NAV3: variants seen among roughly 807,000 people sequenced by gnomAD.
NAV3 encodes pore membrane and/or filament interacting like protein 1.
Under a neutral mutation model 244.7 loss-of-function variants are expected in NAV3, and 87 were observed. That is an observed-to-expected ratio of 0.36 (90% CI 0.30 to 0.42). The LOEUF (loss-of-function observed/expected upper bound fraction) is 0.42. Among genes scored for constraint, NAV3 ranks in the 20% least tolerant of loss-of-function variants. The probability of loss-of-function intolerance (pLI) is 1.00; values close to 1 mark genes in which losing one functional copy is unlikely to be tolerated. For synonymous variants in NAV3, 1,126 were observed against 1,042.2 expected, an observed-to-expected ratio of 1.08 and a Z score of -1.55; for missense variants, 2,663 against 2,893.3, an observed-to-expected ratio of 0.92 and a Z score of 1.83.
chr12:78,033,258 T>C (rs993970148), intron 9 of NAV3, among the ~76,000 whole-genome samples: 1 of 151,922 alleles, frequency 6.6e-6, no homozygotes, highest in Admixed American at 6.6e-5. Context: ...TGAATGTTTA[T>C]AAAGATCAAG....
intron 1 of NAV3, among the ~76,000 whole-genome samples, chr12:77,925,195 A>G (rs1489729958): frequency 6.6e-6 from 1 of 152,184 alleles, no homozygotes; most frequent in Non-Finnish European, 1.5e-5. Flanking sequence ...TGTTGAATGA[A>G]TGTTTTAGAC....
At chr12:77,720,926 CAG>C (rs1284470138) in intron 2 of NAV3, among the ~76,000 whole-genome samples, 3 of 152,158 alleles carry the variant, frequency 2.0e-5, no homozygotes, top group Non-Finnish European at 4.4e-5. Context: ...TGTTAATTAA[CAG>C]AGATATTCTG....
Position 77,577,114 on chromosome 12 carries a change from C to A in NAV3, c.72+4848C>A, listed in dbSNP as rs115266707. 5.1e-3 allele frequency among the ~76,000 whole-genome samples: 773 copies of A among 152,184 alleles called. 8 individuals carry two copies. The highest frequency in any genetic ancestry group is 0.018 in the African/African-American group (731 of 41,550). The stretch of plus-strand genomic sequence containing the variant: ...TCTGGAATTAATGTGTAGACATAAA[C>A]ATGAACATCAAGTTCCCAAAGAAAC... On this transcript the variant is annotated intron_variant, in intron 2 of 8. Coordinates refer to the NAV3 transcript ENST00000550042.
At chr12:77,678,244 T>C (rs1040760673) in intron 2 of NAV3, among the ~76,000 whole-genome samples, 2 of 152,168 alleles carry the variant, frequency 1.3e-5, no homozygotes, top group African/African-American at 2.4e-5. Flanking sequence ...TAAAAATGTA[T>C]AACCAATCTT....
intron 2 of NAV3, among the ~76,000 whole-genome samples, chr12:77,638,078 T>C (rs963526198): frequency 2.0e-5 from 3 of 150,854 alleles, no homozygotes; most frequent in African/African-American, 7.3e-5. Flanking sequence ...TTCTTGTCTA[T>C]AGGGATTTCT....
chr12:77,807,312 A>G (rs1592700376), intron 2 of NAV3, among the ~76,000 whole-genome samples: 1 of 152,152 alleles, frequency 6.6e-6, no homozygotes, highest in South Asian at 2.1e-4. Context: ...AGTGGCTGGT[A>G]CTGGTTTTTC....
rs143716361 is a variant in NAV3 at position 78,093,217 on chromosome 12, G to A, written c.2637-23555G>A. ...TTACTGTAAGCAAGCAAATTCAGGTGTAGGTTTTACATAATGCACTTTTAT... is the reference window on the plus strand; with the variant it reads ...TTACTGTAAGCAAGCAAATTCAGGTATAGGTTTTACATAATGCACTTTTAT... On this transcript the variant is annotated intron_variant, in intron 12 of 39. Transcript: ENST00000397909. 9.8e-5 allele frequency among the ~76,000 whole-genome samples: 15 copies of A among 152,310 alleles called. No individual in the cohort carries two copies. The East Asian group carries it at 2.9e-3, about 29-fold the overall frequency.
At chr12:77,696,135 T>TA (rs1875285296) in intron 2 of NAV3, among the ~76,000 whole-genome samples, 2 of 152,272 alleles carry the variant, frequency 1.3e-5, no homozygotes. Context: ...AAGCAGTCTC[T>TA]AAAAGGATCC....
rs374699212 is a variant in NAV3 at position 77,825,824 on chromosome 12, G to A, written c.73-114495G>A. Among the ~76,000 whole-genome samples, 13 of 152,176 alleles carry A rather than the reference G, an allele frequency of 8.5e-5. 1 individual carries two copies. The highest frequency in any genetic ancestry group is 3.1e-4 in the African/African-American group (13 of 41,532). On this transcript the variant is annotated intron_variant, in intron 2 of 8. Coordinates refer to the NAV3 transcript ENST00000550042. ...CCTATACCGAAATATATAAATAATT[G>A]TTGATAAAACTCAGTAATAATGAGA...
At chr12:77,963,370 C>A (rs769183380) in intron 3 of NAV3, among the ~76,000 whole-genome samples, 2 of 152,004 alleles carry the variant, frequency 1.3e-5, no homozygotes, top group Non-Finnish European at 2.9e-5. Flanking sequence ...AGAAAGTGAC[C>A]ATATAAATGG....
Position 78,198,670 on chromosome 12 carries a change from A to G in NAV3, c.6512A>G (p.Asn2171Ser), listed in dbSNP as rs759743322. Residue 2171 changes from asparagine to serine, a missense_variant, in exon 36 of 40, where the codon AAT becomes AGT. Asn to Ser is a conservative substitution (Grantham distance 46). Around this residue, in one of 6 missense-constraint regions of NAV3, gnomAD observed 543 missense variants for 672.4 expected, o/e 0.81. Coordinates refer to ENST00000397909, the MANE Select transcript of NAV3 (RefSeq NM_001024383.2). ...SSSPNLELHH[N>S]FRWVLCANHT... The stretch of plus-strand genomic sequence containing the variant: ...TCACCAAATCTAGAGCTGCATCACA[A>G]TTTCAGGTAAAGTTAAGTTGAAGGT... 2.7e-6 allele frequency: 4 copies of G among 1,457,400 alleles called. No homozygotes were observed. Among genetic ancestry groups the G allele is most frequent in the Non-Finnish European group, 3.7e-6 (4 of 1,091,338 alleles). The allele number at this position is 1,457,400 out of a possible 1,614,324, so 90.3% of individuals were successfully genotyped here.
intron 2 of NAV3, among the ~76,000 whole-genome samples, chr12:77,741,135 G>GAA (rs71088333): frequency 3.6e-4 from 22 of 60,730 alleles, no homozygotes; most frequent in East Asian, 1.1e-3. Context: ...AATAGTCAAA[G>GAA]AAAAAAAAAA....
chr12:77,686,434 T>C (rs1165530765), intron 2 of NAV3, among the ~76,000 whole-genome samples: 29 of 150,052 alleles, frequency 1.9e-4, no homozygotes, highest in African/African-American at 6.6e-4. Flanking sequence ...CTTTTTTTTT[T>C]TTTTTTTTTT....
chr12:78,043,488 A>T (rs1040254253), intron 9 of NAV3, among the ~76,000 whole-genome samples: 2 of 152,038 alleles, frequency 1.3e-5, no homozygotes, highest in African/African-American at 4.8e-5. Flanking sequence ...CTGGTTCTAG[A>T]TCCTTGAGGA....
chr12:78,112,488 C>T (rs968817605), intron 12 of NAV3, among the ~76,000 whole-genome samples: 2 of 152,082 alleles, frequency 1.3e-5, no homozygotes, highest in African/African-American at 4.8e-5. Flanking sequence ...AAGTTATAAT[C>T]ATGGGGGAAG....
intron 12 of NAV3, among the ~76,000 whole-genome samples, chr12:78,104,433 A>G (rs1349574733): frequency 1.3e-5 from 2 of 152,218 alleles, no homozygotes; most frequent in Non-Finnish European, 2.9e-5. Flanking sequence ...AAAGCAGGCA[A>G]AAGGCAAAAG....
chr12:78,201,611 T>C (rs1959714797), intron 38 of NAV3, among the ~76,000 whole-genome samples: 1 of 152,100 alleles, frequency 6.6e-6, no homozygotes. Context: ...ATACATGTCA[T>C]TTTTCCATAA....
chr12:78,015,651 T>G (rs1876071422), intron 8 of NAV3, among the ~76,000 whole-genome samples: 1 of 152,142 alleles, frequency 6.6e-6, no homozygotes, highest in Admixed American at 6.6e-5. Context: ...ATATTCTAAG[T>G]GAATTTGTCT....
chr12:78,014,902 CTTGGCTTGCAAGCTCGTCT>C (rs376705021), intron 8 of NAV3, among the ~76,000 whole-genome samples: 3 of 152,070 alleles, frequency 2.0e-5, no homozygotes, highest in African/African-American at 7.2e-5. Context: ...TTATTGAATG[CTTGGCTTGCAAGCTCGTCT>C]TTTGCTAGGT....
Sources: allele counts gnomAD v4.1 joint callset (sites outside exome capture counted in the v4.1 genomes callset), GRCh38; gene constraint gnomAD v4.1.1; regional missense constraint gnomAD v4.1.1; transcripts MANE v1.5; gene names NCBI Gene and HGNC (gene_info 2026-07-23, HGNC 2026-07-21).